The following AFF3 variants were observed in gnomAD, a reference collection of about 807,000 sequenced individuals.
AFF3 encodes the protein ALF transcription elongation factor 3.
A neutral mutation model predicts 129.7 loss-of-function variants in AFF3; 32 were observed. That is an observed-to-expected ratio of 0.25 (90% CI 0.19 to 0.33). The LOEUF is 0.33. Among genes scored for constraint, AFF3 ranks in the 10% least tolerant of loss-of-function variants. AFF3 has a pLI of 1.00. For missense variants in AFF3, 1,373 were observed against 1,592.0 expected, an observed-to-expected ratio of 0.86 and a Z score of 2.34; for synonymous variants, 644 against 635.4, an observed-to-expected ratio of 1.01 and a Z score of -0.20.
intron 7 of AFF3, among the ~76,000 whole-genome samples, chr2:99,975,754 C>CTTT (rs35224838): frequency 7.7e-5 from 8 of 103,880 alleles, no homozygotes; most frequent in African/African-American, 2.7e-4. Context: ...TTTCCCTCCA[C>CTTT]TTTTTTTTTT....
At chr2:100,131,558 C>T (rs1010214477) in intron 1 of AFF3, among the ~76,000 whole-genome samples, 1 of 152,102 alleles carries the variant, frequency 6.6e-6, no homozygotes, top group African/African-American at 2.4e-5. Flanking sequence ...CTCCCGGGTT[C>T]AAGTGATTCT....
intron 8 of AFF3, among the ~76,000 whole-genome samples, chr2:99,826,179 T>TA (rs1268893233): frequency 1.3e-5 from 2 of 152,172 alleles, no homozygotes; most frequent in Admixed American, 6.5e-5. Context: ...CATGCCCAGC[T>TA]AATTTTTGTA....
chr2:99,707,170 A>T, intron 11 of AFF3: 1 of 985,468 alleles, frequency 1.0e-6, no homozygotes, highest in Non-Finnish European at 1.2e-6. Context: ...CTGTAACAAC[A>T]TCCTAAAATT....
At chr2:99,558,065 T>C (rs757310272) in intron 22 of AFF3, among the ~76,000 whole-genome samples, 1 of 152,162 alleles carries the variant, frequency 6.6e-6, no homozygotes, top group Non-Finnish European at 1.5e-5. Flanking sequence ...AAAGGTGGCA[T>C]GGTTTGCAAT....
intron 24 of AFF3, among the ~76,000 whole-genome samples, chr2:99,552,002 T>C (rs1413374401): frequency 6.6e-6 from 1 of 152,144 alleles, no homozygotes; most frequent in Non-Finnish European, 1.5e-5. Context: ...TCCAGGTTCC[T>C]GGGGGCAAAT....
chr2:100,105,548 G>T lies in AFF3; in HGVS notation c.-109C>A, dbSNP rs773493063. On this transcript the variant is annotated 5_prime_UTR_variant, in exon 3 of 25. Coordinates refer to ENST00000672756, the MANE Select transcript of AFF3 (RefSeq NM_001386135.1). The stretch of plus-strand genomic sequence containing the variant: ...GCCTCTGGGTGTCGACTTCAAACTT[G>T]CCGCCCGTCTCCGGTCTGGAAAGGC... 4.1e-5 allele frequency: 54 copies of T among 1,331,922 alleles called. No homozygotes were observed. The highest frequency in any genetic ancestry group is 1.1e-5 in the Non-Finnish European group (11 of 1,004,998). 82.5% of individuals were successfully genotyped at this position (1,331,922 alleles called of 1,614,324 possible). A position where few individuals can be genotyped will look rare whatever the true frequency, so the allele number is the denominator to read the frequency against.
At chr2:99,721,385 T>C (rs1354338133) in intron 11 of AFF3, among the ~76,000 whole-genome samples, 1 of 151,974 alleles carries the variant, frequency 6.6e-6, no homozygotes, top group Admixed American at 6.6e-5. Context: ...AAAAATTAGC[T>C]GGGCATGGTG....
chr2:99,611,183 AC>A (rs1026365736), intron 13 of AFF3, among the ~76,000 whole-genome samples: 41 of 150,798 alleles, frequency 2.7e-4, no homozygotes, highest in African/African-American at 1.0e-3. Context: ...TTGTGGTGAG[AC>A]CCCCCCTACT....
Position 100,085,653 on chromosome 2 carries a change from A to C in AFF3, c.53+18749T>G, listed in dbSNP as rs62149344. Among the ~76,000 whole-genome samples, 556 of 151,300 alleles carry C rather than the reference A, an allele frequency of 3.7e-3. 3 individuals carry two copies. Among genetic ancestry groups the C allele is most frequent in the Middle Eastern group, 0.017 (5 of 294 alleles). ...AGCCCTGGACTACACCATAGAAATA[A>C]GCATTTAGTTATAGGCATCACTTTC... On this transcript the variant is annotated intron_variant, in intron 4 of 24. Coordinates refer to ENST00000672756, the MANE Select transcript of AFF3 (RefSeq NM_001386135.1).
chr2:99,916,800 GGTT>G (rs1373651233), intron 7 of AFF3, among the ~76,000 whole-genome samples: 1 of 151,992 alleles, frequency 6.6e-6, no homozygotes, highest in Non-Finnish European at 1.5e-5. Flanking sequence ...CATCAATTCT[GGTT>G]GTCTCAAACT....
At chr2:100,002,259 C>T (rs1681492482) in intron 7 of AFF3, among the ~76,000 whole-genome samples, 1 of 152,198 alleles carries the variant, frequency 6.6e-6, no homozygotes, top group African/African-American at 2.4e-5. Flanking sequence ...CTGGTGCCGA[C>T]TTTCATTTGG....
At chr2:99,842,539 T>A (rs758235127) in intron 7 of AFF3, among the ~76,000 whole-genome samples, 1 of 152,192 alleles carries the variant, frequency 6.6e-6, no homozygotes, top group Non-Finnish European at 1.5e-5. Context: ...CATTTTCCTA[T>A]CATTACATTT....
At position 99,837,542 on chromosome 2, in the gene AFF3, A is replaced by G. The variant is rs757421930; in HGVS notation, c.874-18T>C. 1.2e-6 allele frequency: 2 copies of G among 1,611,378 alleles called. No homozygotes were observed. The highest frequency in any genetic ancestry group is 1.7e-6 in the Non-Finnish European group (2 of 1,178,798). Reference sequence around the variant, plus strand: ...CTACTCTCCTGAAAGCAAAGAAAAAAAAATTAAGCCTGATGGAATAGATTG... The same window carrying G: ...CTACTCTCCTGAAAGCAAAGAAAAAGAAATTAAGCCTGATGGAATAGATTG... On this transcript the variant is annotated intron_variant, in intron 7 of 24. Coordinates refer to ENST00000672756, the MANE Select transcript of AFF3 (RefSeq NM_001386135.1).
intron 19 of AFF3, 74 bp from the exon 20 acceptor site, chr2:99,565,697 C>G (rs1221373653): frequency 1.3e-6 from 2 of 1,524,998 alleles, no homozygotes; most frequent in African/African-American, 2.7e-5. Context: ...GTAGTTTATA[C>G]ACCTTATTTG....
At chr2:100,007,502 C>T in intron 5 of AFF3, 42 bp from the exon 6 acceptor site, 1 of 1,547,428 alleles carries the variant, frequency 6.5e-7, no homozygotes, top group Non-Finnish European at 8.8e-7. Flanking sequence ...TTAGAGACAA[C>T]AGAAACACCG....
chr2:99,690,240 G>T (rs562103684), intron 11 of AFF3, among the ~76,000 whole-genome samples: 2 of 148,022 alleles, frequency 1.4e-5, no homozygotes, highest in Non-Finnish European at 3.0e-5. Flanking sequence ...GAGTGCAGTG[G>T]CGCGATCTCG....
intron 18 of AFF3, among the ~76,000 whole-genome samples, chr2:99,569,682 A>ATTAGACAGTATCTTTAAGTGT (rs1676300817): frequency 6.6e-6 from 1 of 152,236 alleles, no homozygotes; most frequent in Non-Finnish European, 1.5e-5. Flanking sequence ...TAAGGTACTC[A>ATTAGACAGTATCTTTAAGTGT]TTAGACAGTA....
At position 99,808,058 on chromosome 2, in the gene AFF3, C is replaced by T. The variant is rs539336595; in HGVS notation, c.921+29419G>A. Among the ~76,000 whole-genome samples the T allele has an allele frequency of 1.4e-4, 22 of 152,312 alleles. No homozygotes were observed. The East Asian group carries it at 2.3e-3, about 16-fold the overall frequency. ...CCTCGCCAATGGGGTGAAGGGGAGG[C>T]AACCAAAATAGCTACGTCTTAGAAC... On this transcript the variant is annotated intron_variant, in intron 8 of 24. Coordinates refer to ENST00000672756, the MANE Select transcript of AFF3 (RefSeq NM_001386135.1).
intron 7 of AFF3, among the ~76,000 whole-genome samples, chr2:99,938,507 C>T (rs1283216246): frequency 1.3e-5 from 2 of 152,086 alleles, no homozygotes; most frequent in African/African-American, 4.8e-5. Context: ...GGTCACAGTA[C>T]CCAGACATTT....
Sources: gnomAD v4.1 joint callset for allele counts (sites outside exome capture counted in the v4.1 genomes callset) on GRCh38, gnomAD v4.1.1 for gene constraint, MANE v1.5 for transcripts, NCBI Gene and HGNC (gene_info 2026-07-23, HGNC 2026-07-21) for gene names.